The following KANK1 variants were observed in gnomAD, a reference collection of about 807,000 sequenced individuals.
KANK1 encodes the protein KN motif and ankyrin repeat domains 1.
Under a neutral mutation model 106.2 loss-of-function variants are expected in KANK1, and 109 were observed. The observed-to-expected ratio is 1.03, with a 90% confidence interval of 0.88 to 1.20. KANK1 has a LOEUF of 1.20. Among genes scored for constraint, KANK1 ranks in the 50% most tolerant of loss-of-function variants. The probability of loss-of-function intolerance (pLI) is 0.00; values close to 1 mark genes in which losing one functional copy is unlikely to be tolerated. For missense variants in KANK1, 2,399 were observed against 1,710.7 expected (o/e 1.40, Z -7.10); for synonymous variants, 873 against 652.2 (o/e 1.34, Z -5.16).
intron 1 of KANK1, among the ~76,000 whole-genome samples, chr9:665,201 T>C (rs1012861782): frequency 2.0e-5 from 3 of 152,222 alleles, no homozygotes; most frequent in South Asian, 4.1e-4. Context: ...TTCGTTTTTG[T>C]TGCCTATGCT....
chr9:619,561 G>A (rs143301186), intron 1 of KANK1, among the ~76,000 whole-genome samples: 1 of 152,076 alleles, frequency 6.6e-6, no homozygotes, highest in Non-Finnish European at 1.5e-5. Flanking sequence ...TTTTGCTACT[G>A]TATAATGATA....
chr9:600,307 C>T (rs538976775), intron 1 of KANK1, among the ~76,000 whole-genome samples: 1 of 151,752 alleles, frequency 6.6e-6, no homozygotes, highest in Admixed American at 6.5e-5. Context: ...TTGTGGCTGG[C>T]TTATTTTACC....
chr9:485,318 T>C (rs1054151314), intron 3 of KANK1, among the ~76,000 whole-genome samples: 1 of 152,240 alleles, frequency 6.6e-6, no homozygotes, highest in African/African-American at 2.4e-5. Flanking sequence ...TGTTAAGGTA[T>C]AATTTACATA....
chr9:695,654 C>T (rs1588981967), intron 2 of KANK1, among the ~76,000 whole-genome samples: 1 of 151,830 alleles, frequency 6.6e-6, no homozygotes, highest in African/African-American at 2.4e-5. Flanking sequence ...TGGATCCTCT[C>T]TGGGGGGCCA....
At chr9:493,462 C>T (rs2132335517) in intron 3 of KANK1, among the ~76,000 whole-genome samples, 1 of 151,760 alleles carries the variant, frequency 6.6e-6, no homozygotes, top group East Asian at 1.9e-4. Flanking sequence ...GAGCCAGAAC[C>T]ATCCAGTGAA....
chr9:591,512 A>G (rs1262890214), intron 1 of KANK1, among the ~76,000 whole-genome samples: 1 of 151,720 alleles, frequency 6.6e-6, no homozygotes, highest in Admixed American at 6.6e-5. Context: ...TCACCCTTGA[A>G]CACTATGTTC....
intron 1 of KANK1, among the ~76,000 whole-genome samples, chr9:668,340 G>A (rs1010092811): frequency 9.6e-6 from 1 of 104,192 alleles, no homozygotes; most frequent in Non-Finnish European, 1.9e-5. Flanking sequence ...CACTATTATT[G>A]TATTATAATC....
At chr9:611,355 A>G (rs979855066) in intron 1 of KANK1, among the ~76,000 whole-genome samples, 3 of 152,232 alleles carry the variant, frequency 2.0e-5, no homozygotes, top group South Asian at 2.1e-4. Flanking sequence ...GTAAGCTTGG[A>G]TGACTACACT....
chr9:552,151 C>A (rs535520370), intron 1 of KANK1, among the ~76,000 whole-genome samples: 2 of 152,090 alleles, frequency 1.3e-5, no homozygotes, highest in Admixed American at 1.3e-4. Flanking sequence ...AAGGACTGAT[C>A]GAATTGTCTG....
At chr9:557,980 G>A (rs1815296608) in intron 1 of KANK1, among the ~76,000 whole-genome samples, 3 of 142,598 alleles carry the variant, frequency 2.1e-5, no homozygotes. Context: ...ATTCCATCCT[G>A]GGTGACAGAG....
At chr9:742,478 T>C in intron 10 of KANK1, 73 bp downstream of exon 10, 1 of 1,241,834 alleles carries the variant, frequency 8.1e-7, no homozygotes, top group Non-Finnish European at 1.1e-6. Context: ...GAGTGCCTTT[T>C]GGCCAGGAGC....
At chr9:704,106 C>A (rs565208481) in intron 2 of KANK1, among the ~76,000 whole-genome samples, 1 of 152,304 alleles carries the variant, frequency 6.6e-6, no homozygotes, top group East Asian at 1.9e-4. Context: ...GCGTCTTTCT[C>A]CTTTTTAAGA....
At chr9:690,053 T>C (rs4742251) in intron 2 of KANK1, among the ~76,000 whole-genome samples, 124,422 of 149,516 alleles carry the variant, frequency 0.83, 52,295 homozygotes, top group African/African-American at 0.96. Flanking sequence ...TTTGGGAGGC[T>C]GAGGTGGGTG....
intron 1 of KANK1, among the ~76,000 whole-genome samples, chr9:652,450 T>G (rs2361103): frequency 0.6 from 90,874 of 152,062 alleles, 28,700 homozygotes; most frequent in East Asian, 0.89. Flanking sequence ...TTGAATCTGG[T>G]AGGCAGAGTT....
At chr9:662,665 A>ATTTT (rs34481151) in intron 1 of KANK1, among the ~76,000 whole-genome samples, 2,196 of 141,754 alleles carry the variant, frequency 0.015, 87 homozygotes, top group East Asian at 0.077. Context: ...ACAAAAGTTA[A>ATTTT]TTTTTTTTTT....
At chr9:667,857 A>G (rs1230229546) in intron 1 of KANK1, among the ~76,000 whole-genome samples, 9 of 150,354 alleles carry the variant, frequency 6.0e-5, no homozygotes, top group African/African-American at 2.2e-4. Flanking sequence ...TCAGCCTCCC[A>G]AGTAGCTGGG....
chr9:630,415 G>A (rs1298101583), intron 1 of KANK1, among the ~76,000 whole-genome samples: 1 of 152,066 alleles, frequency 6.6e-6, no homozygotes, highest in Admixed American at 6.5e-5. Context: ...GCCAGGCATG[G>A]TGGCGGGCGC....
At chr9:661,232 G>C (rs543031355) in intron 1 of KANK1, among the ~76,000 whole-genome samples, 1 of 151,876 alleles carries the variant, frequency 6.6e-6, no homozygotes, top group Non-Finnish European at 1.5e-5. Context: ...CCATTAGCTC[G>C]TCATTTACAT....
At chr9:635,866 G>T (rs1837010814) in intron 1 of KANK1, among the ~76,000 whole-genome samples, 1 of 151,572 alleles carries the variant, frequency 6.6e-6, no homozygotes, top group Admixed American at 6.6e-5. Context: ...AGTAGAGACA[G>T]GTTTCACTTT....
Sources: allele counts gnomAD v4.1 joint callset (sites outside exome capture counted in the v4.1 genomes callset), GRCh38; gene constraint gnomAD v4.1.1; transcripts MANE v1.5; gene names NCBI Gene and HGNC (gene_info 2026-07-23, HGNC 2026-07-21).